The following CADM2 variants were observed in gnomAD, a reference collection of about 807,000 sequenced individuals.
CADM2 encodes immunoglobulin superfamily member 4D.
CADM2 carries 12 observed loss-of-function variants against 49.8 expected under a neutral mutation model. That is an observed-to-expected ratio of 0.24 (90% confidence interval 0.15 to 0.39). CADM2 has a LOEUF of 0.39. Among genes scored for constraint, CADM2 ranks in the 10% least tolerant of loss-of-function variants. CADM2 has a pLI of 1.00. For synonymous variants in CADM2, 214 were observed against 175.4 expected, an observed-to-expected ratio of 1.22 and a Z score of -1.74; for missense variants, 378 against 492.3, an observed-to-expected ratio of 0.77 and a Z score of 2.20.
chr3:85,801,989 G>GTGGGT, intron 2 of CADM2, 58 bp from the exon 3 acceptor site: 1 of 1,411,522 alleles, frequency 7.1e-7, no homozygotes, highest in Non-Finnish European at 9.7e-7. Flanking sequence ...GTAGATCTTA[G>GTGGGT]GCAGTTAATC....
intron 1 of CADM2, among the ~76,000 whole-genome samples, chr3:84,991,918 G>A (rs866375237): frequency 6.6e-6 from 1 of 152,136 alleles, no homozygotes; most frequent in Middle Eastern, 3.2e-3. Flanking sequence ...CATTGCTTGA[G>A]TCCAACTATA....
chr3:84,979,619 C>T (rs1450668126), intron 1 of CADM2, among the ~76,000 whole-genome samples: 1 of 151,456 alleles, frequency 6.6e-6, no homozygotes, highest in East Asian at 1.9e-4. Flanking sequence ...TAGATGATTC[C>T]AGGAATAAAC....
At chr3:85,579,282 G>T (rs748169522) in intron 1 of CADM2, among the ~76,000 whole-genome samples, 1 of 151,788 alleles carries the variant, frequency 6.6e-6, no homozygotes, top group Non-Finnish European at 1.5e-5. Flanking sequence ...GAATTTTATT[G>T]CAGGTGATTG....
chr3:85,321,131 T>A (rs1237979984), intron 1 of CADM2, among the ~76,000 whole-genome samples: 7 of 13,078 alleles, frequency 5.4e-4, no homozygotes, highest in Non-Finnish European at 7.6e-4. Context: ...TTTTTTTTTT[T>A]TTTTTTTTTT....
At chr3:85,370,388 C>G (rs1240090988) in intron 1 of CADM2, among the ~76,000 whole-genome samples, 1 of 151,628 alleles carries the variant, frequency 6.6e-6, no homozygotes, top group East Asian at 1.9e-4. Context: ...CGCCACTGCA[C>G]TGCAACCTGG....
At chr3:85,632,588 A>G (rs1435302369) in intron 1 of CADM2, among the ~76,000 whole-genome samples, 6 of 152,118 alleles carry the variant, frequency 3.9e-5, no homozygotes, top group African/African-American at 1.2e-4. Context: ...AATTTCAGCT[A>G]TAAATGTAGA....
chr3:85,207,302 A>T (rs147205996), intron 1 of CADM2, among the ~76,000 whole-genome samples: 1 of 152,272 alleles, frequency 6.6e-6, no homozygotes, highest in African/African-American at 2.4e-5. Flanking sequence ...GATAAATGAA[A>T]GTTTCATCAC....
intron 1 of CADM2, among the ~76,000 whole-genome samples, chr3:85,239,376 C>T (rs1244447621): frequency 6.6e-6 from 1 of 151,594 alleles, no homozygotes; most frequent in Non-Finnish European, 1.5e-5. Context: ...TATAACATTT[C>T]AAACTAAAGA....
chr3:85,215,519 G>C (rs915854732), intron 1 of CADM2, among the ~76,000 whole-genome samples: 2 of 151,924 alleles, frequency 1.3e-5, no homozygotes, highest in African/African-American at 2.4e-5. Context: ...TTCTCCCAAA[G>C]CTGTGATCTG....
intron 1 of CADM2, among the ~76,000 whole-genome samples, chr3:85,389,601 C>T (rs2107390232): frequency 6.6e-6 from 1 of 152,228 alleles, no homozygotes; most frequent in East Asian, 1.9e-4. Flanking sequence ...AAGAGACTAT[C>T]TGTACCACTC....
intron 1 of CADM2, among the ~76,000 whole-genome samples, chr3:85,076,404 A>G (rs1331470713): frequency 6.6e-6 from 1 of 150,760 alleles, no homozygotes. Context: ...AGTGAGGGCA[A>G]TGGCATGGTA....
intron 8 of CADM2, among the ~76,000 whole-genome samples, chr3:85,978,466 C>T (rs955500051): frequency 4.6e-5 from 7 of 151,450 alleles, no homozygotes; most frequent in African/African-American, 1.2e-4. Flanking sequence ...TTCAGAATAT[C>T]GGGTGCCATG....
At chr3:85,023,182 A>G (rs750264430) in intron 1 of CADM2, among the ~76,000 whole-genome samples, 31 of 152,212 alleles carry the variant, frequency 2.0e-4, no homozygotes, top group Admixed American at 3.9e-4. Flanking sequence ...GACATGCCAA[A>G]GATTTTACTT....
At chr3:85,515,022 C>T (rs1350775604) in intron 1 of CADM2, among the ~76,000 whole-genome samples, 2 of 152,070 alleles carry the variant, frequency 1.3e-5, no homozygotes, top group African/African-American at 4.8e-5. Context: ...AGAAGTAAAA[C>T]TAATGGTGTT....
At chr3:85,331,926 T>C (rs1476561533) in intron 1 of CADM2, among the ~76,000 whole-genome samples, 1 of 152,126 alleles carries the variant, frequency 6.6e-6, no homozygotes, top group East Asian at 1.9e-4. Context: ...AGTACTACAG[T>C]ATCATTTGCA....
At chr3:84,995,639 A>G (rs562471889) in intron 1 of CADM2, among the ~76,000 whole-genome samples, 6 of 152,196 alleles carry the variant, frequency 3.9e-5, no homozygotes, top group Non-Finnish European at 7.3e-5. Flanking sequence ...TGTAGTGCCT[A>G]AGTACTTGCC....
chr3:85,753,264 A>G (rs1035572355), intron 2 of CADM2, among the ~76,000 whole-genome samples: 1 of 152,126 alleles, frequency 6.6e-6, no homozygotes, highest in Admixed American at 6.5e-5. Context: ...GCTTTGATGA[A>G]GCAAGAAAGA....
chr3:85,452,215 C>G (rs2037778853), intron 1 of CADM2, among the ~76,000 whole-genome samples: 1 of 151,996 alleles, frequency 6.6e-6, no homozygotes, highest in South Asian at 2.1e-4. Flanking sequence ...ATTACAAATC[C>G]CAACTCTTGA....
chr3:85,873,069 A>G (rs947883700), intron 3 of CADM2, among the ~76,000 whole-genome samples: 9 of 152,158 alleles, frequency 5.9e-5, no homozygotes, highest in African/African-American at 1.7e-4. Flanking sequence ...GTATCATGGC[A>G]GAAGGTAAAA....
Sources: gnomAD v4.1 joint callset for allele counts (sites outside exome capture counted in the v4.1 genomes callset) on GRCh38, gnomAD v4.1.1 for gene constraint, MANE v1.5 for transcripts, NCBI Gene and HGNC (gene_info 2026-07-23, HGNC 2026-07-21) for gene names.